TMOD1: variants seen among roughly 807,000 people sequenced by gnomAD.
The protein encoded by TMOD1 is tropomodulin-1.
TMOD1 carries 17 observed loss-of-function variants against 40.6 expected under a neutral mutation model. The ratio of observed to expected loss-of-function variants is 0.42; its 90% confidence interval spans 0.29 to 0.63. The LOEUF (loss-of-function observed/expected upper bound fraction) is 0.63, where lower values mean the gene tolerates loss of function less well. Ranked by LOEUF, TMOD1 falls within the 20% of genes least tolerant of loss-of-function variation. The probability of loss-of-function intolerance (pLI) is 0.22; values close to 1 mark genes in which losing one functional copy is unlikely to be tolerated. For missense variants in TMOD1, 391 were observed against 447.6 expected (o/e 0.87, Z 1.14); for synonymous variants, 181 against 175.0 (o/e 1.03, Z -0.27).
At chr9:97,554,846 G>A (rs1830511346) in intron 4 of TMOD1, among the ~76,000 whole-genome samples, 1 of 152,140 alleles carries the variant, frequency 6.6e-6, no homozygotes, top group Non-Finnish European at 1.5e-5. Flanking sequence ...TCAGGGGTGG[G>A]GGAGCCACTG....
chr9:97,564,910 C>T (rs954220090), intron 6 of TMOD1, among the ~76,000 whole-genome samples: 1 of 152,138 alleles, frequency 6.6e-6, no homozygotes, highest in African/African-American at 2.4e-5. Flanking sequence ...GCTCCACTTT[C>T]TTTCCTTCTC....
At chr9:97,590,684 C>G (rs1354183497) in intron 8 of TMOD1, among the ~76,000 whole-genome samples, 1 of 151,134 alleles carries the variant, frequency 6.6e-6, no homozygotes, top group Non-Finnish European at 1.5e-5. Flanking sequence ...GATTTGGGGG[C>G]AGGGAACCAT....
At chr9:97,575,028 G>A (rs928643594) in intron 8 of TMOD1, among the ~76,000 whole-genome samples, 3 of 152,156 alleles carry the variant, frequency 2.0e-5, no homozygotes, top group South Asian at 2.1e-4. Context: ...GCAGGCTGCC[G>A]GATAACGCAG....
intron 8 of TMOD1, among the ~76,000 whole-genome samples, chr9:97,581,346 A>T (rs1408664111): frequency 6.6e-6 from 1 of 151,252 alleles, no homozygotes; most frequent in Non-Finnish European, 1.5e-5. Flanking sequence ...ATGGCTGCAT[A>T]GTATTCCATG....
At chr9:97,563,772 C>T (rs1417932839) in intron 5 of TMOD1, among the ~76,000 whole-genome samples, 1 of 152,218 alleles carries the variant, frequency 6.6e-6, no homozygotes, top group East Asian at 1.9e-4. Context: ...CCCTGCCTTA[C>T]AGATGTAGAC....
At chr9:97,565,565 A>G (rs1009489178) in intron 6 of TMOD1, among the ~76,000 whole-genome samples, 5 of 152,088 alleles carry the variant, frequency 3.3e-5, no homozygotes, top group Non-Finnish European at 5.9e-5. Flanking sequence ...CTCTTTGCAC[A>G]ATACTACACG....
intron 1 of TMOD1, among the ~76,000 whole-genome samples, chr9:97,514,049 T>G (rs1338295138): frequency 6.6e-6 from 1 of 152,094 alleles, no homozygotes; most frequent in Admixed American, 6.5e-5. Flanking sequence ...TGGAATGTTC[T>G]GCAGTCACTG....
At chr9:97,598,533 A>AAAG (rs1248608114) in intron 9 of TMOD1, among the ~76,000 whole-genome samples, 3 of 152,162 alleles carry the variant, frequency 2.0e-5, no homozygotes, top group African/African-American at 7.2e-5. Context: ...GAGATGCTTA[A>AAAG]AAGTCTGGTT....
intron 8 of TMOD1, among the ~76,000 whole-genome samples, chr9:97,584,689 A>G (rs918149513): frequency 6.6e-6 from 1 of 152,078 alleles, no homozygotes; most frequent in Non-Finnish European, 1.5e-5. Context: ...GTGCTCCTGT[A>G]TTGGGTGCAT....
chr9:97,559,787 A>AT, intron 4 of TMOD1, among the ~76,000 whole-genome samples: 1 of 50,972 alleles, frequency 2.0e-5, no homozygotes, highest in Non-Finnish European at 3.4e-5. Flanking sequence ...AAAAAAAAAA[A>AT]AAAAAAAATA....
chr9:97,575,288 T>G (rs1182989233), intron 8 of TMOD1, among the ~76,000 whole-genome samples: 4 of 152,064 alleles, frequency 2.6e-5, no homozygotes, highest in Non-Finnish European at 5.9e-5. Flanking sequence ...TCACTCCTGA[T>G]CCAGGAGACC....
rs117342936 is a variant in TMOD1 at position 97,600,793 on chromosome 9, T to G, written c.*1095T>G. On this transcript the variant is annotated 3_prime_UTR_variant, in exon 10 of 10. Coordinates refer to ENST00000259365, the MANE Select transcript of TMOD1 (RefSeq NM_003275.4). ...AAGATGATTACACTGAAATGTAGTA[T>G]TAGTACTGCTGCCAGATCTCTTTTT... 8.1e-3 allele frequency: 8,705 copies of G among 1,068,964 alleles called. 49 individuals carry two copies. Among genetic ancestry groups the G allele is most frequent in the Non-Finnish European group, 9.0e-3 (7,862 of 877,758 alleles). The allele number at this position is 1,068,964 out of a possible 1,614,324, so 66.2% of individuals were successfully genotyped here.
At chr9:97,571,582 T>A (rs1206907789) in intron 8 of TMOD1, among the ~76,000 whole-genome samples, 1 of 152,226 alleles carries the variant, frequency 6.6e-6, no homozygotes, top group Non-Finnish European at 1.5e-5. Context: ...GTCTATTATC[T>A]AATTTAATGT....
upstream of TMOD1, chr9:97,501,284 T>C (rs1167305892): frequency 6.6e-6 from 1 of 152,246 alleles, no homozygotes; most frequent in South Asian, 2.1e-4. Flanking sequence ...GTGCAGCAGC[T>C]GCTTAGCTGG....
intron 8 of TMOD1, among the ~76,000 whole-genome samples, chr9:97,583,634 A>T (rs1359823886): frequency 1.5e-4 from 18 of 122,890 alleles, no homozygotes; most frequent in South Asian, 2.8e-4. Flanking sequence ...CTGGTCCTGG[A>T]CTCTTTTTGG....
At chr9:97,522,435 T>G (rs1829932633) in intron 1 of TMOD1, among the ~76,000 whole-genome samples, 1 of 152,228 alleles carries the variant, frequency 6.6e-6, no homozygotes, top group Non-Finnish European at 1.5e-5. Flanking sequence ...TTGACTAAAC[T>G]TAACTACTTA....
chr9:97,530,462 A>G (rs1830079759), intron 2 of TMOD1, among the ~76,000 whole-genome samples: 1 of 152,170 alleles, frequency 6.6e-6, no homozygotes, highest in African/African-American at 2.4e-5. Flanking sequence ...AGCCTGAATA[A>G]TAATAACGAT....
chr9:97,520,892 C>T (rs72751509), intron 1 of TMOD1, among the ~76,000 whole-genome samples: 80 of 152,336 alleles, frequency 5.3e-4, no homozygotes, highest in Non-Finnish European at 8.8e-4. Context: ...CCCCTTTTCC[C>T]CAAGCTGGCT....
chr9:97,590,621 G>GC (rs1420323072), intron 8 of TMOD1, among the ~76,000 whole-genome samples: 2 of 144,594 alleles, frequency 1.4e-5, no homozygotes, highest in African/African-American at 5.1e-5. Context: ...GGGTCTTTCT[G>GC]TTTTTTTTTT....
Sources: allele counts gnomAD v4.1 joint callset (sites outside exome capture counted in the v4.1 genomes callset), GRCh38; gene constraint gnomAD v4.1.1; transcripts MANE v1.5; gene names NCBI Gene and HGNC (gene_info 2026-07-23, HGNC 2026-07-21).